The following BRWD1 variants were observed in gnomAD, a reference collection of about 807,000 sequenced individuals.
BRWD1 encodes bromodomain and WD repeat-containing protein 1.
In BRWD1, 82 loss-of-function variants were observed where a neutral mutation model predicts 251.2. The observed-to-expected ratio is 0.33, with a 90% CI of 0.27 to 0.39. The LOEUF (loss-of-function observed/expected upper bound fraction) is 0.39. Ranked by LOEUF, BRWD1 falls within the 10% of genes least tolerant of loss-of-function variation. The pLI is 1.00. For missense variants in BRWD1, 2,233 were observed against 2,711.6 expected, an observed-to-expected ratio of 0.82 and a Z score of 3.92; for synonymous variants, 918 against 902.8, an observed-to-expected ratio of 1.02 and a Z score of -0.30.
intron 4 of BRWD1, among the ~76,000 whole-genome samples, chr21:39,299,565 G>A (rs116239029): frequency 3.9e-5 from 6 of 152,084 alleles, no homozygotes; most frequent in Admixed American, 3.3e-4. Context: ...CTCTCATCTC[G>A]ACAATGAGAA....
Position 39,264,948 on chromosome 21 carries a change from T to C in BRWD1, c.1602A>G (p.Thr534=), listed in dbSNP as rs751437474. The C allele has an allele frequency of 3.1e-6, 5 of 1,613,830 alleles. No homozygotes were observed. The highest frequency in any genetic ancestry group is 4.2e-6 in the Non-Finnish European group (5 of 1,179,860). ...ATATCAGAAGGTGCCCATGAGAATCTGTACAGGCAAAATGCTGTCCATCCT... is the reference window on the plus strand; with the variant it reads ...ATATCAGAAGGTGCCCATGAGAATCCGTACAGGCAAAATGCTGTCCATCCT... ...FSQDGQHFAC[T]DSHGHLLIFG... Residue 534 remains threonine, a synonymous_variant, in exon 16 of 41, where the codon ACA becomes ACG. Transcript: ENST00000342449.
rs2031483818 is a variant in BRWD1 at position 39,190,288 on chromosome 21, A to G, written c.*5971T>C. On this transcript the variant is annotated 3_prime_UTR_variant, in exon 41 of 41. Transcript: ENST00000342449. ...GATTCTGCACAATATTTCATCATAC[A>G]AAACTGTTTTCCTAAATTCAAAGTA... 2.7e-5 allele frequency: 27 copies of G among 984,882 alleles called. No individual in the cohort carries two copies. In the South Asian group the frequency reaches 1.2e-3, roughly 43 times the overall value. The allele number at this position is 984,882 out of a possible 1,614,324, so 61.0% of individuals were successfully genotyped here. A position where few individuals can be genotyped will look rare whatever the true frequency, so the allele number is the denominator to read the frequency against.
In BRWD1 at chr21:39,232,161, A is replaced by T. The variant is rs774661674; in HGVS notation, c.3000+16T>A. ...GTGCTAAAATGTTTAATGATTTAAT[A>T]ATGCCATCATCCTACCCTAAGATCC... On this transcript the variant is annotated intron_variant, in intron 25 of 40. Coordinates refer to ENST00000342449, the MANE Select transcript of BRWD1 (RefSeq NM_033656.4). 2 of 1,538,752 alleles carry T rather than the reference A, an allele frequency of 1.3e-6. No homozygotes were observed.
intron 33 of BRWD1, 48 bp from the exon 34 acceptor site, chr21:39,212,755 A>C: frequency 7.9e-7 from 1 of 1,269,750 alleles, no homozygotes; most frequent in African/African-American, 1.5e-5. Context: ...CTCATTAGAA[A>C]ATAATAACAT....
chr21:39,269,206 T>C (rs2035024927), intron 15 of BRWD1, among the ~76,000 whole-genome samples: 1 of 151,628 alleles, frequency 6.6e-6, no homozygotes, highest in African/African-American at 2.4e-5. Flanking sequence ...AAAGATACAG[T>C]AGGATCCTCA....
Position 39,210,162 on chromosome 21 carries a change from C to T in BRWD1, c.4045-15G>A. 2 of 1,566,146 alleles carry T rather than the reference C, an allele frequency of 1.3e-6. No homozygotes were observed. The highest frequency in any genetic ancestry group is 2.3e-5 in the South Asian group (2 of 85,638). On this transcript the variant is annotated splice_polypyrimidine_tract_variant and intron_variant, in intron 35 of 40. Transcript: ENST00000342449. ...TCTCTGTAGTCCTAGGTTTTAAACACAATATTTAATTCATAGATTCATTTC... is the reference window on the plus strand; with the variant it reads ...TCTCTGTAGTCCTAGGTTTTAAACATAATATTTAATTCATAGATTCATTTC...
At chr21:39,230,538 G>T (rs1306247824) in intron 25 of BRWD1, among the ~76,000 whole-genome samples, 2 of 152,128 alleles carry the variant, frequency 1.3e-5, no homozygotes, top group Admixed American at 6.5e-5. Flanking sequence ...TACGTAACTT[G>T]GTTTTATGCG....
At chr21:39,206,299 G>C (rs1036285888) in intron 36 of BRWD1, 25 bp from the exon 37 acceptor site, 2 of 1,485,220 alleles carry the variant, frequency 1.3e-6, no homozygotes, top group Non-Finnish European at 1.8e-6. Flanking sequence ...AAACAAAGTA[G>C]AATTACAAAA....
At chr21:39,312,660 A>C (rs557110558) in intron 4 of BRWD1, 181 bp downstream of exon 4, 130 of 427,826 alleles carry the variant, frequency 3.0e-4, no homozygotes, top group African/African-American at 2.4e-3. Context: ...TCCTGCCAAA[A>C]CAAACCTGGC....
intron 17 of BRWD1, among the ~76,000 whole-genome samples, chr21:39,263,268 G>A (rs978910635): frequency 6.6e-6 from 1 of 152,132 alleles, no homozygotes; most frequent in Non-Finnish European, 1.5e-5. Flanking sequence ...TTTAGTTTCA[G>A]TAAATCCTCA....
At chr21:39,297,353 T>C (rs2035988193) in intron 5 of BRWD1, 1 of 985,426 alleles carries the variant, frequency 1.0e-6, no homozygotes, top group African/African-American at 1.7e-5. Context: ...CCTCCTGGGG[T>C]ACCAGTACAA....
intron 23 of BRWD1, among the ~76,000 whole-genome samples, chr21:39,233,667 G>A (rs1049922272): frequency 1.3e-5 from 2 of 152,202 alleles, no homozygotes; most frequent in African/African-American, 4.8e-5. Context: ...TTTCAGATTT[G>A]GAAAGGTTTA....
intron 31 of BRWD1, 74 bp downstream of exon 31, chr21:39,218,078 T>G (rs769499018): frequency 2.1e-6 from 3 of 1,425,526 alleles, no homozygotes; most frequent in Non-Finnish European, 2.8e-6. Context: ...TACCACTATC[T>G]CTTTCTTTGT....
chr21:39,313,067 C>G lies in BRWD1; in HGVS notation c.138+5G>C. The G allele has an allele frequency of 6.9e-7, 1 of 1,445,270 alleles. No homozygotes were observed. Among genetic ancestry groups the G allele is most frequent in the East Asian group, 3.0e-5 (1 of 33,092 alleles). The allele number at this position is 1,445,270 out of a possible 1,614,324, so 89.5% of individuals were successfully genotyped here. On this transcript the variant is annotated splice_donor_5th_base_variant and intron_variant, in intron 3 of 40. Coordinates refer to ENST00000342449, the MANE Select transcript of BRWD1 (RefSeq NM_033656.4). ...GAGGGAGCGCGGGGACGGGCGCGCA[C>G]AGACCTGGTACTGCTCCAGCTCCTG...
chr21:39,277,640 T>C (rs2035320047), intron 10 of BRWD1, among the ~76,000 whole-genome samples: 1 of 151,564 alleles, frequency 6.6e-6, no homozygotes, highest in African/African-American at 2.4e-5. Context: ...CTCGGCTCAC[T>C]GCAACTTCTA....
chr21:39,293,691 A>T, intron 8 of BRWD1, 120 bp downstream of exon 8: 1 of 734,000 alleles, frequency 1.4e-6, no homozygotes, highest in Non-Finnish European at 2.2e-6. Context: ...AATGATTATC[A>T]CTTCTCTTAC....
At chr21:39,314,108 C>T (rs1340652298), upstream of BRWD1, 2 of 455,906 alleles carry the variant, frequency 4.4e-6, no homozygotes, top group Non-Finnish European at 8.8e-6. Context: ...CGTCTGGGGC[C>T]AGTGCGTCTT....
In BRWD1 at chr21:39,203,383, G is replaced by A. The variant is rs142318058; in HGVS notation, c.4365-838C>T. The stretch of plus-strand genomic sequence containing the variant: ...TAGCCCAGGAGCTTGACATTACGAT[G>A]ACATTATGATCACACCATGCACTCC... On this transcript the variant is annotated intron_variant, in intron 37 of 40. Transcript: ENST00000342449. 8.6e-3 allele frequency among the ~76,000 whole-genome samples: 1,284 copies of A among 148,494 alleles called. 11 individuals carry two copies. Among genetic ancestry groups the A allele is most frequent in the Non-Finnish European group, 0.014 (939 of 67,314 alleles).
At chr21:39,304,587 C>T (rs1017882109) in intron 4 of BRWD1, among the ~76,000 whole-genome samples, 2 of 150,254 alleles carry the variant, frequency 1.3e-5, no homozygotes, top group Non-Finnish European at 3.0e-5. Context: ...GCACTCCACC[C>T]TGGGCAACAA....
Sources: allele counts gnomAD v4.1 joint callset (sites outside exome capture counted in the v4.1 genomes callset), GRCh38; gene constraint gnomAD v4.1.1; transcripts MANE v1.5; gene names NCBI Gene and HGNC (gene_info 2026-07-23, HGNC 2026-07-21).